Variants in BCL3 observed in about 807,000 individuals in gnomAD.
BCL3 encodes the protein BCL3 transcription coactivator.
BCL3 carries 15 observed loss-of-function variants against 35.7 expected under a neutral mutation model. That is an observed-to-expected ratio of 0.42 (90% CI 0.28 to 0.65). The LOEUF is 0.65. Ranked by LOEUF, BCL3 falls within the 30% of genes least tolerant of loss-of-function variation. The pLI is 0.22. For synonymous variants in BCL3, 311 were observed against 284.3 expected, an observed-to-expected ratio of 1.09 and a Z score of -0.95; for missense variants, 565 against 641.7, an observed-to-expected ratio of 0.88 and a Z score of 1.29.
In BCL3 at chr19:44,757,821, G is replaced by A; in HGVS notation, c.891+98G>A. ...AGCTCTGACCCCGCCTTCCACTTCTGGCTCCGGCTCCTGCTCCGCGTCCAG... is the reference window on the plus strand; with the variant it reads ...AGCTCTGACCCCGCCTTCCACTTCTAGCTCCGGCTCCTGCTCCGCGTCCAG... On this transcript the variant is annotated intron_variant, in intron 6 of 8. Transcript: ENST00000164227. This position sits in a 1 kb window ranked among gnomAD's most constrained non-coding sequence, Gnocchi z 8.4. 1 of 1,170,542 alleles carries A rather than the reference G, an allele frequency of 8.5e-7. No individual in the cohort carries two copies. Among genetic ancestry groups the A allele is most frequent in the South Asian group, 1.3e-5 (1 of 77,950 alleles). The allele number at this position is 1,170,542 out of a possible 1,614,324, so 72.5% of individuals were successfully genotyped here.
Position 44,758,740 on chromosome 19 carries a change from G to A in BCL3, c.1076G>A (p.Arg359Lys), listed in dbSNP as rs1300327777. The stretch of plus-strand genomic sequence containing the variant: ...TTCCTACAGGTCATCGACATCCTGA[G>A]GGGGAAGGCCACCCGGCCTGCTTCC... ...ARSRRVIDIL[R>K]GKATRPASTS... The change falls in exon 8 of 9, where the codon AGG becomes AAG. Residue 359 changes from arginine to lysine, a missense_variant. Physicochemically the swap from Arg to Lys is conservative, Grantham distance 26. Coordinates refer to ENST00000164227, the MANE Select transcript of BCL3 (RefSeq NM_005178.5). 8 of 1,602,748 alleles carry A rather than the reference G, an allele frequency of 5.0e-6. No individual in the cohort carries two copies. Among genetic ancestry groups the A allele is most frequent in the Non-Finnish European group, 6.0e-6 (7 of 1,175,398 alleles).
intron 2 of BCL3, among the ~76,000 whole-genome samples, chr19:44,754,834 A>G (rs1230652755): frequency 6.6e-6 from 1 of 152,260 alleles, no homozygotes; most frequent in Non-Finnish European, 1.5e-5. Context: ...TGTACTTTAC[A>G]TAAGAGAAAA....
intron 2 of BCL3, among the ~76,000 whole-genome samples, chr19:44,752,539 C>T (rs888281145): frequency 1.3e-5 from 2 of 151,972 alleles, no homozygotes; most frequent in East Asian, 3.8e-4. Flanking sequence ...CTATTCTAGT[C>T]GACTTCATTG....
At chr19:44,748,110 G>A, upstream of BCL3, 10 of 1,323,128 alleles carry the variant, frequency 7.6e-6, no homozygotes, top group Non-Finnish European at 9.9e-6. Flanking sequence ...GGAAGTGTTT[G>A]GCCAAGGTCA....
In BCL3 at chr19:44,757,717, G is replaced by C; in HGVS notation, c.885G>C (p.Leu295=). Reference sequence around the variant, plus strand: ...ACAGCCTTAGCATGGTGCAGCTGCTGCTGCAGGTGCGTACAGCCCCCCTGA... The same window carrying C: ...ACAGCCTTAGCATGGTGCAGCTGCTCCTGCAGGTGCGTACAGCCCCCCTGA... The part of the protein sequence containing the change: ...ENNSLSMVQL[L]LQHGANVNAQ... The change falls in exon 6 of 9, where the codon CTG becomes CTC. Residue 295 remains leucine, a synonymous_variant. Transcript: ENST00000164227. This position sits in a 1 kb window ranked among gnomAD's most constrained non-coding sequence, Gnocchi z 8.4. 3 of 1,613,776 alleles carry C rather than the reference G, an allele frequency of 1.9e-6. No homozygotes were observed. Among genetic ancestry groups the C allele is most frequent in the Admixed American group, 1.7e-5 (1 of 60,002 alleles).
intron 2 of BCL3, among the ~76,000 whole-genome samples, chr19:44,752,407 A>G (rs914891709): frequency 1.3e-5 from 2 of 150,680 alleles, no homozygotes; most frequent in Non-Finnish European, 1.5e-5. Context: ...CAGTCTTGCT[A>G]TGTTGCCCAG....
chr19:44,748,754 G>A lies in BCL3; in HGVS notation c.-37G>A, dbSNP rs1453642338. 8 of 1,087,888 alleles carry A rather than the reference G, an allele frequency of 7.4e-6. No individual in the cohort carries two copies. The highest frequency in any genetic ancestry group is 8.9e-6 in the Non-Finnish European group (8 of 896,074). The allele number at this position is 1,087,888 out of a possible 1,614,324, so 67.4% of individuals were successfully genotyped here. ...CGAAACCACCCTCCCGTGCAGCCGA[G>A]CCCAGCCGCTCTCCGGCCGCCGTCC... On this transcript the variant is annotated 5_prime_UTR_variant, in exon 1 of 9. Coordinates refer to ENST00000164227, the MANE Select transcript of BCL3 (RefSeq NM_005178.5).
At chr19:44,749,284 TGG>T (rs34390099) in intron 1 of BCL3, among the ~76,000 whole-genome samples, 42,101 of 103,874 alleles carry the variant, frequency 0.41, 6,799 homozygotes, top group Middle Eastern at 0.52. Flanking sequence ...CTGAGTGACG[TGG>T]GGGGGGGGGG....
In BCL3 at chr19:44,757,262, A is replaced by T. The variant is rs1408989919; in HGVS notation, c.724+41A>T. ...GGGGCACCGCTGGGCTGTCCAGCGG[A>T]CCTGGAGTCCATCAGCGGCCGCAAA... On this transcript the variant is annotated intron_variant, in intron 4 of 8. Coordinates refer to ENST00000164227, the MANE Select transcript of BCL3 (RefSeq NM_005178.5). The surrounding 1 kb of genome is among the most constrained non-coding windows in gnomAD (Gnocchi z 8.4). 6.4e-7 allele frequency: 1 copy of T among 1,557,308 alleles called. No individual in the cohort carries two copies.
chr19:44,759,970 C>T lies in BCL3; in HGVS notation c.*355C>T, dbSNP rs1418852299. ...TGAGGAGGGGAGAGGTGGGCCGTAA[C>T]GGGCACGGATCACGATGTAAATTAT... On this transcript the variant is annotated 3_prime_UTR_variant, in exon 9 of 9. Coordinates refer to ENST00000164227, the MANE Select transcript of BCL3 (RefSeq NM_005178.5). 4.5e-5 allele frequency: 13 copies of T among 291,840 alleles called. No homozygotes were observed. The highest frequency in any genetic ancestry group is 1.1e-4 in the Admixed American group (2 of 19,038). The allele number at this position is 291,840 out of a possible 1,614,324, so 18.1% of individuals were successfully genotyped here. A position where few individuals can be genotyped will look rare whatever the true frequency, so the allele number is the denominator to read the frequency against.
At chr19:44,756,746 G>T (rs920991250) in intron 3 of BCL3, among the ~76,000 whole-genome samples, 1 of 151,570 alleles carries the variant, frequency 6.6e-6, no homozygotes, top group Admixed American at 6.6e-5. Flanking sequence ...TCCTGAGAGG[G>T]AGGGGGCCTA....
chr19:44,759,235 C>T (rs1967370994), intron 8 of BCL3, among the ~76,000 whole-genome samples, 193 bp from the exon 9 acceptor site: 1 of 139,826 alleles, frequency 7.2e-6, no homozygotes, highest in Non-Finnish European at 1.5e-5. Flanking sequence ...CCTCTTCCTT[C>T]AGACCCAGGA....
rs1967334794 is a variant in BCL3 at position 44,758,119 on chromosome 19, C to G, written c.892-127C>G. On this transcript the variant is annotated intron_variant, in intron 6 of 8. Transcript: ENST00000164227. ...GGCCTGCCCTTGGCTCTCGCTCCTA[C>G]CTTCCTGTGACCCCACCCCGATCCG... 3.9e-6 allele frequency: 4 copies of G among 1,026,972 alleles called. No individual in the cohort carries two copies. The South Asian group carries it at 7.4e-5, about 19-fold the overall frequency. The allele number at this position is 1,026,972 out of a possible 1,614,324, so 63.6% of individuals were successfully genotyped here.
At chr19:44,756,378 A>C (rs1170543606) in intron 3 of BCL3, 38 bp downstream of exon 3, 1 of 1,292,390 alleles carries the variant, frequency 7.7e-7, no homozygotes, top group Non-Finnish European at 1.0e-6. Flanking sequence ...TGGGGCCTGG[A>C]CTCCTGGGTC....
chr19:44,753,784 G>A (rs1468913177), intron 2 of BCL3, among the ~76,000 whole-genome samples: 3 of 141,470 alleles, frequency 2.1e-5, no homozygotes, highest in African/African-American at 7.6e-5. Context: ...AGAGGTTAGG[G>A]ACTGGGCAGC....
chr19:44,759,339 C>CCCCCCCAGA, intron 8 of BCL3, 89 bp from the exon 9 acceptor site: 1 of 1,011,868 alleles, frequency 9.9e-7, no homozygotes, highest in South Asian at 1.4e-5. Flanking sequence ...CCAGCCCCTC[C>CCCCCCCAGA]TCCCTCAGAC....
intron 2 of BCL3, 126 bp from the exon 3 acceptor site, chr19:44,756,106 G>A: frequency 1.7e-6 from 1 of 574,154 alleles, no homozygotes; most frequent in Non-Finnish European, 2.7e-6. Context: ...TGGGTGGGGA[G>A]AAGTGTTTGA....
chr19:44,752,609 C>T (rs1197802191), intron 2 of BCL3, among the ~76,000 whole-genome samples: 1 of 152,152 alleles, frequency 6.6e-6, no homozygotes, highest in African/African-American at 2.4e-5. Flanking sequence ...TTCACAACCC[C>T]CATGGTTTAT....
At chr19:44,758,873 C>T (rs371088948) in intron 8 of BCL3, 32 bp downstream of exon 8, 5 of 1,515,122 alleles carry the variant, frequency 3.3e-6, no homozygotes, top group East Asian at 2.3e-5. Flanking sequence ...CCAGCCCTGG[C>T]GCCTCCTCCC....
Sources: gnomAD v4.1 joint callset for allele counts (sites outside exome capture counted in the v4.1 genomes callset) on GRCh38, gnomAD v4.1.1 for gene constraint, Gnocchi (gnomAD v3.1) non-coding constraint, MANE v1.5 for transcripts, NCBI Gene and HGNC (gene_info 2026-07-23, HGNC 2026-07-21) for gene names.